Variants in ATP2B2 observed in about 807,000 individuals in gnomAD.
The protein encoded by ATP2B2 is plasma membrane calcium-transporting ATPase 2.
In ATP2B2, 15 loss-of-function variants were observed where a neutral mutation model predicts 120.0. The ratio of observed to expected loss-of-function variants is 0.12; its 90% confidence interval spans 0.08 to 0.19. The LOEUF (loss-of-function observed/expected upper bound fraction) is 0.19, where lower values mean the gene tolerates loss of function less well. Ranked by LOEUF, ATP2B2 falls within the 10% of genes least tolerant of loss-of-function variation. The probability of loss-of-function intolerance (pLI) is 1.00; values close to 1 mark genes in which losing one functional copy is unlikely to be tolerated. For synonymous variants in ATP2B2, 694 were observed against 700.3 expected, an observed-to-expected ratio of 0.99 and a Z score of 0.14; for missense variants, 1,045 against 1,719.8, an observed-to-expected ratio of 0.61 and a Z score of 6.94.
chr3:10,617,243 A>C (rs540530409), intron 2 of ATP2B2, among the ~76,000 whole-genome samples: 2 of 152,280 alleles, frequency 1.3e-5, no homozygotes, highest in Non-Finnish European at 2.9e-5. Flanking sequence ...TGAAAGAGGA[A>C]ACTTTTTAAA....
chr3:10,613,331 G>C (rs1246654791), intron 2 of ATP2B2, among the ~76,000 whole-genome samples: 2 of 152,144 alleles, frequency 1.3e-5, no homozygotes. Context: ...CTCTGAGTTT[G>C]GTGAGTCATT....
intron 2 of ATP2B2, among the ~76,000 whole-genome samples, chr3:10,426,953 C>T (rs555800244): frequency 3.3e-5 from 5 of 152,160 alleles, no homozygotes; most frequent in South Asian, 2.1e-4. Flanking sequence ...GAAGGTCCCT[C>T]GTGAAAGTTG....
Position 10,358,817 on chromosome 3 carries a change from G to A in ATP2B2, c.2010C>T (p.Arg670=), listed in dbSNP as rs56056138. 2.6e-4 allele frequency: 412 copies of A among 1,614,226 alleles called. No individual in the cohort carries two copies. The highest frequency in any genetic ancestry group is 3.6e-4 in the South Asian group (33 of 91,088). ...VIEPMACDGL[R]TICVAYRDFP... ...AGTCGCGGTAGGCCACGCAGATAGT[G>A]CGGAGCCCATCGCAAGCCATGGGCT... The change falls in exon 14 of 23, where the codon CGC becomes CGT. Residue 670 remains arginine (R), a synonymous_variant. Transcript: ENST00000360273.
At chr3:10,637,113 C>T (rs192570578) in intron 1 of ATP2B2, among the ~76,000 whole-genome samples, 6 of 152,344 alleles carry the variant, frequency 3.9e-5, no homozygotes, top group African/African-American at 1.4e-4. Flanking sequence ...AGACTTAGCA[C>T]TGCTCTATCC....
intron 1 of ATP2B2, among the ~76,000 whole-genome samples, chr3:10,663,516 C>G (rs2070844019): frequency 6.6e-6 from 1 of 152,102 alleles, no homozygotes; most frequent in Non-Finnish European, 1.5e-5. Context: ...GTGGTCCAGC[C>G]CAGGGACCCA....
chr3:10,641,878 C>A (rs1339973380), intron 1 of ATP2B2, among the ~76,000 whole-genome samples: 1 of 152,064 alleles, frequency 6.6e-6, no homozygotes, highest in East Asian at 1.9e-4. Context: ...ATTTACCTAC[C>A]CACCCATCCA....
chr3:10,592,584 G>A (rs2068669772), intron 2 of ATP2B2, among the ~76,000 whole-genome samples: 1 of 152,174 alleles, frequency 6.6e-6, no homozygotes, highest in Non-Finnish European at 1.5e-5. Flanking sequence ...CATATCTCCA[G>A]GGCCTTGTCC....
rs531647520 is a variant in ATP2B2 at position 10,340,801 on chromosome 3, C to T, written c.2918-97G>A. On this transcript the variant is annotated intron_variant, in intron 19 of 22. Coordinates refer to ENST00000360273, the MANE Select transcript of ATP2B2 (RefSeq NM_001001331.4). This position sits in a 1 kb window ranked among gnomAD's most constrained non-coding sequence, Gnocchi z 5.0. ...CGTGGGGGCCTCTTCTGAGCAGTGACGTGAATCCCCAAGACATCAAGGCAT... is the reference window on the plus strand; with the variant it reads ...CGTGGGGGCCTCTTCTGAGCAGTGATGTGAATCCCCAAGACATCAAGGCAT... 4.0e-5 allele frequency: 49 copies of T among 1,221,392 alleles called. 1 individual carries two copies. Among genetic ancestry groups the T allele is most frequent in the Admixed American group, 1.1e-4 (6 of 52,906 alleles). 75.7% of individuals were successfully genotyped at this position (1,221,392 alleles called of 1,614,324 possible).
intron 1 of ATP2B2, among the ~76,000 whole-genome samples, chr3:10,621,545 G>T (rs1332317783): frequency 6.6e-6 from 1 of 152,268 alleles, no homozygotes; most frequent in Admixed American, 6.5e-5. Context: ...CACAGCCAGG[G>T]AGTGGCAGTG....
At chr3:10,642,553 T>C (rs1446440227) in intron 1 of ATP2B2, among the ~76,000 whole-genome samples, 5 of 152,176 alleles carry the variant, frequency 3.3e-5, no homozygotes, top group Admixed American at 3.3e-4. Context: ...ACACAATGTC[T>C]GGCCTGTGTA....
intron 1 of ATP2B2, among the ~76,000 whole-genome samples, chr3:10,476,947 G>C (rs1346186661): frequency 2.0e-5 from 3 of 152,198 alleles, no homozygotes; most frequent in African/African-American, 7.2e-5. Context: ...AGGCTCATCT[G>C]CTTGGGCATC....
In ATP2B2 at chr3:10,378,172, C is replaced by G. The variant is rs56113011; in HGVS notation, c.1201+80G>C. On this transcript the variant is annotated intron_variant, in intron 10 of 22. Transcript: ENST00000360273. ...GCCCCCCACTTTGCAGATGAGGTAA[C>G]TGAGGCCGAGCATGGGGCAGGGCTC... The G allele has an allele frequency of 0.22, 334,601 of 1,543,444 alleles. 38,070 individuals are homozygous for G. The highest frequency in any genetic ancestry group is 0.35 in the East Asian group (15,337 of 43,616).
intron 1 of ATP2B2, among the ~76,000 whole-genome samples, chr3:10,645,948 C>T (rs1007949016): frequency 6.6e-6 from 1 of 152,188 alleles, no homozygotes; most frequent in African/African-American, 2.4e-5. Context: ...CCCCTCGAAC[C>T]TGGGAGGACC....
At chr3:10,382,400 G>A (rs1276859976) in intron 8 of ATP2B2, among the ~76,000 whole-genome samples, 1 of 151,502 alleles carries the variant, frequency 6.6e-6, no homozygotes, top group African/African-American at 2.4e-5. Context: ...AGGCTGGAGT[G>A]CAGTGGCATG....
rs180989450 is a variant in ATP2B2 at position 10,327,561 on chromosome 3, A to G, written c.*1253T>C. 142 of 152,788 alleles carry G rather than the reference A, an allele frequency of 9.3e-4. No individual in the cohort carries two copies. Among genetic ancestry groups the G allele is most frequent in the South Asian group, 3.1e-3 (15 of 4,832 alleles). 9.5% of individuals were successfully genotyped at this position (152,788 alleles called of 1,614,324 possible). On this transcript the variant is annotated 3_prime_UTR_variant, in exon 23 of 23. Transcript: ENST00000360273. ...AAATAAAAAAAAAAATCAACACAAT[A>G]CCATTTATAATATTTCAACACTACC... is the stretch of plus-strand genomic sequence containing the variant.
At chr3:10,584,620 C>T (rs2068465225) in intron 2 of ATP2B2, among the ~76,000 whole-genome samples, 2 of 152,172 alleles carry the variant, frequency 1.3e-5, no homozygotes, top group South Asian at 2.1e-4. Flanking sequence ...CTGATATTCA[C>T]GTAATATCCT....
In ATP2B2 at chr3:10,597,534, C is replaced by T. The variant is rs181341362; in HGVS notation, c.-415+22383G>A. ...ACCACGAGCAGAGCTAAAGGAGGGA[C>T]GAGTAACTGGCCATCAAGCCATCCC... On this transcript the variant is annotated intron_variant, in intron 2 of 21. Transcript: ENST00000646379. Among the ~76,000 whole-genome samples the T allele has an allele frequency of 2.9e-3, 438 of 152,254 alleles. 3 individuals carry two copies. Among genetic ancestry groups the T allele is most frequent in the Non-Finnish European group, 3.5e-3 (236 of 68,010 alleles).
At chr3:10,610,176 CGTGT>C (rs746715983) in intron 2 of ATP2B2, among the ~76,000 whole-genome samples, 2 of 148,600 alleles carry the variant, frequency 1.3e-5, no homozygotes, top group South Asian at 2.1e-4. Context: ...AAATATATAT[CGTGT>C]GTGTGTGTGT....
At chr3:10,399,966 C>A (rs889008213) in intron 5 of ATP2B2, among the ~76,000 whole-genome samples, 12 of 152,232 alleles carry the variant, frequency 7.9e-5, no homozygotes, top group African/African-American at 2.9e-4. Flanking sequence ...GCTAGGGGCT[C>A]CCATGGGCAG....
Sources: gnomAD v4.1 joint callset for allele counts (sites outside exome capture counted in the v4.1 genomes callset) on GRCh38, gnomAD v4.1.1 for gene constraint, Gnocchi (gnomAD v3.1) non-coding constraint, MANE v1.5 for transcripts, NCBI Gene and HGNC (gene_info 2026-07-23, HGNC 2026-07-21) for gene names.